Variants in AGBL1 observed in about 807,000 individuals in gnomAD.
AGBL1 encodes the protein AGBL carboxypeptidase 1, also known as cytosolic carboxypeptidase 4.
In AGBL1, 130 loss-of-function variants were observed where a neutral mutation model predicts 118.9. The observed-to-expected ratio is 1.09, with a 90% CI of 0.95 to 1.26. AGBL1 has a LOEUF of 1.26. Ranked by LOEUF, AGBL1 falls within the 50% of genes most tolerant of loss-of-function variation. The probability of loss-of-function intolerance (pLI) is 0.00; values close to 1 mark genes in which losing one functional copy is unlikely to be tolerated. For synonymous variants in AGBL1, 555 were observed against 478.9 expected (o/e 1.16, Z -2.08); for missense variants, 1,584 against 1,298.1 (o/e 1.22, Z -3.38).
intron 21 of AGBL1, among the ~76,000 whole-genome samples, chr15:86,632,339 A>T (rs895993170): frequency 2.7e-5 from 4 of 150,634 alleles, no homozygotes; most frequent in Non-Finnish European, 5.9e-5. Flanking sequence ...GCACTGTGGG[A>T]GACTGAGGCA....
intron 23 of AGBL1, among the ~76,000 whole-genome samples, chr15:86,954,443 A>G (rs2080909744): frequency 6.6e-6 from 1 of 152,202 alleles, no homozygotes; most frequent in Non-Finnish European, 1.5e-5. Context: ...AATATGATAC[A>G]TATACACCAT....
chr15:86,743,937 G>C (rs2077718140), intron 22 of AGBL1, among the ~76,000 whole-genome samples: 1 of 151,918 alleles, frequency 6.6e-6, no homozygotes, highest in African/African-American at 2.4e-5. Flanking sequence ...AGTTGATATG[G>C]GTAAGTTAGG....
At chr15:86,827,416 TATATATATATATAC>T (rs2079034985) in intron 22 of AGBL1, among the ~76,000 whole-genome samples, 1 of 7,810 alleles carries the variant, frequency 1.3e-4, no homozygotes, top group African/African-American at 1.0e-3. Flanking sequence ...TATGTGTATA[TATATATATATATAC>T]ACATATATAT....
intron 21 of AGBL1, among the ~76,000 whole-genome samples, chr15:86,606,231 G>C (rs926314404): frequency 6.6e-6 from 1 of 151,934 alleles, no homozygotes; most frequent in Non-Finnish European, 1.5e-5. Context: ...TCTGAGATTT[G>C]GCTACTGTGG....
At chr15:86,384,785 A>G (rs756630658) in intron 17 of AGBL1, among the ~76,000 whole-genome samples, 29 of 152,202 alleles carry the variant, frequency 1.9e-4, no homozygotes, top group Admixed American at 3.9e-4. Context: ...GTTTAGAGAC[A>G]GAGGGTACAA....
At chr15:86,769,467 C>T (rs765669708) in intron 22 of AGBL1, among the ~76,000 whole-genome samples, 2 of 151,948 alleles carry the variant, frequency 1.3e-5, no homozygotes, top group Non-Finnish European at 2.9e-5. Flanking sequence ...AATGATTTCT[C>T]ATCACACAGT....
chr15:86,194,558 G>GT (rs2077771065), intron 5 of AGBL1, among the ~76,000 whole-genome samples: 1 of 152,178 alleles, frequency 6.6e-6, no homozygotes, highest in Admixed American at 6.5e-5. Flanking sequence ...TGCTCTCTGT[G>GT]TTTGTGTGTC....
Position 86,755,967 on chromosome 15 carries a change from A to G in AGBL1, c.3158+81531A>G, listed in dbSNP as rs111392553. On this transcript the variant is annotated intron_variant, in intron 22 of 22. Transcript: ENST00000614907. ...TATCCATTAAAGTGACAATGAAAAAAGATGGCTAGAGGCTGGAATTTCCCC... is the reference window on the plus strand; with the variant it reads ...TATCCATTAAAGTGACAATGAAAAAGGATGGCTAGAGGCTGGAATTTCCCC... 2.4e-3 allele frequency among the ~76,000 whole-genome samples: 361 copies of G among 152,238 alleles called. 2 individuals carry two copies. The highest frequency in any genetic ancestry group is 8.1e-3 in the African/African-American group (338 of 41,570).
chr15:86,478,603 A>T (rs1051074038), intron 18 of AGBL1, among the ~76,000 whole-genome samples: 22 of 152,208 alleles, frequency 1.4e-4, no homozygotes, highest in African/African-American at 4.6e-4. Context: ...AAATGGAAGA[A>T]CATTCCATGC....
chr15:87,014,612 A>T (rs2081591828), intron 24 of AGBL1, among the ~76,000 whole-genome samples: 1 of 152,208 alleles, frequency 6.6e-6, no homozygotes, highest in African/African-American at 2.4e-5. Context: ...ATTAACGGAT[A>T]TGTGCTTATA....
At chr15:86,154,349 T>C in intron 3 of AGBL1, 81 bp from the exon 4 acceptor site, 1 of 1,462,264 alleles carries the variant, frequency 6.8e-7, no homozygotes, top group Non-Finnish European at 9.2e-7. Flanking sequence ...CTTCACCATC[T>C]TCCCCTTCCT....
chr15:86,750,487 G>A (rs28578378), intron 22 of AGBL1, among the ~76,000 whole-genome samples: 29,272 of 151,774 alleles, frequency 0.19, 2,980 homozygotes, highest in East Asian at 0.28. Flanking sequence ...TAGATCATCA[G>A]TTATTTAACA....
At chr15:86,408,568 G>A (rs1289107779) in intron 18 of AGBL1, among the ~76,000 whole-genome samples, 1 of 152,170 alleles carries the variant, frequency 6.6e-6, no homozygotes, top group African/African-American at 2.4e-5. Context: ...AATTTAGATT[G>A]CTTTGCTATT....
At chr15:86,336,652 C>G (rs968256067) in intron 17 of AGBL1, among the ~76,000 whole-genome samples, 1 of 152,138 alleles carries the variant, frequency 6.6e-6, no homozygotes, top group Admixed American at 6.5e-5. Flanking sequence ...CTTTCCAGCT[C>G]TGATCCATAA....
chr15:86,431,200 G>A (rs1408154819), intron 18 of AGBL1, among the ~76,000 whole-genome samples: 2 of 152,218 alleles, frequency 1.3e-5, no homozygotes, highest in African/African-American at 4.8e-5. Context: ...GGAGAGATTA[G>A]TGCCTGACTT....
intron 22 of AGBL1, among the ~76,000 whole-genome samples, chr15:86,747,126 C>T (rs921583606): frequency 5.3e-5 from 8 of 152,002 alleles, no homozygotes; most frequent in South Asian, 4.1e-4. Flanking sequence ...TTTGCCCTTC[C>T]GCCTTTAAAA....
intron 21 of AGBL1, among the ~76,000 whole-genome samples, chr15:86,568,543 C>T (rs969610344): frequency 9.2e-5 from 14 of 152,192 alleles, no homozygotes; most frequent in African/African-American, 3.4e-4. Flanking sequence ...AAGAATGAAG[C>T]ATCTCATTAA....
Position 86,909,621 on chromosome 15 carries a change from TAATG to T in AGBL1, c.*2330_*2333del, listed in dbSNP as rs1251249315. On this transcript the variant is annotated 3_prime_UTR_variant, in exon 23 of 23. Coordinates refer to ENST00000614907, the MANE Select transcript of AGBL1 (RefSeq NM_001386094.1). ...GAAATTTGAAGACTATTAGCAAAGA[TAATG>T]AAAGTGAAACCCAAACGCTATATAG... 1 of 152,236 alleles carries T rather than the reference TAATG, an allele frequency of 6.6e-6. No homozygotes were observed. The allele number at this position is 152,236 out of a possible 1,614,324, so 9.4% of individuals were successfully genotyped here. A position where few individuals can be genotyped will look rare whatever the true frequency, so the allele number is the denominator to read the frequency against.
intron 22 of AGBL1, among the ~76,000 whole-genome samples, chr15:86,768,308 A>G (rs1190134117): frequency 6.6e-6 from 1 of 151,972 alleles, no homozygotes; most frequent in Non-Finnish European, 1.5e-5. Flanking sequence ...ATAACATAAT[A>G]TAACGTAATG....
Sources: gnomAD v4.1 joint callset for allele counts (sites outside exome capture counted in the v4.1 genomes callset) on GRCh38, gnomAD v4.1.1 for gene constraint, MANE v1.5 for transcripts, NCBI Gene and HGNC (gene_info 2026-07-23, HGNC 2026-07-21) for gene names.